MED12L: variants seen among roughly 807,000 people sequenced by gnomAD.
MED12L encodes mediator of RNA polymerase II transcription subunit 12-like protein.
Under a neutral mutation model 281.3 loss-of-function variants are expected in MED12L, and 60 were observed. That is an observed-to-expected ratio of 0.21 (90% confidence interval 0.17 to 0.26). The LOEUF (loss-of-function observed/expected upper bound fraction) is 0.26. Ranked by LOEUF, MED12L falls within the 10% of genes least tolerant of loss-of-function variation. The probability of loss-of-function intolerance (pLI) is 1.00; values close to 1 mark genes in which losing one functional copy is unlikely to be tolerated. For missense variants in MED12L, 2,146 were observed against 2,680.9 expected (o/e 0.80, Z 4.41); for synonymous variants, 974 against 987.2 (o/e 0.99, Z 0.25).
Position 151,209,706 on chromosome 3 carries a change from C to T in MED12L, c.2250+16040C>T, listed in dbSNP as rs548169276. Among the ~76,000 whole-genome samples, 4 of 152,108 alleles carry T rather than the reference C, an allele frequency of 2.6e-5. No homozygotes were observed. The South Asian group carries it at 8.3e-4, about 32-fold the overall frequency. On this transcript the variant is annotated intron_variant, in intron 16 of 44. Coordinates refer to ENST00000687756, the MANE Select transcript of MED12L (RefSeq NM_001393769.1). ...TTTTTTGTATTTATTGATGCTTTTT[C>T]TCCAGAGTTGAAAGATACAGATGGC...
At chr3:151,168,852 C>T (rs972153536) in intron 11 of MED12L, among the ~76,000 whole-genome samples, 1 of 152,080 alleles carries the variant, frequency 6.6e-6, no homozygotes, top group African/African-American at 2.4e-5. Context: ...ATTATAGGTA[C>T]ATACTACTGT....
At chr3:151,425,688 T>G (rs772392378) in intron 43 of MED12L, 3 of 456,716 alleles carry the variant, frequency 6.6e-6, no homozygotes, top group South Asian at 4.6e-5. Flanking sequence ...GTCTTGTGGT[T>G]ACAGCAGGAG....
chr3:151,410,025 A>T (rs1716772745), intron 40 of MED12L, among the ~76,000 whole-genome samples: 1 of 152,188 alleles, frequency 6.6e-6, no homozygotes. Flanking sequence ...AGAATAAGAA[A>T]ATAACGGGGC....
intron 16 of MED12L, among the ~76,000 whole-genome samples, chr3:151,227,152 A>G (rs902710460): frequency 1.3e-5 from 2 of 152,230 alleles, no homozygotes; most frequent in Admixed American, 6.5e-5. Context: ...ACATGTGTTA[A>G]TGTAACTTAA....
At chr3:151,401,907 T>C (rs1715728962) in intron 39 of MED12L, among the ~76,000 whole-genome samples, 1 of 152,208 alleles carries the variant, frequency 6.6e-6, no homozygotes, top group South Asian at 2.1e-4. Context: ...AGGAAGGTGC[T>C]GATTTTATTT....
intron 16 of MED12L, among the ~76,000 whole-genome samples, chr3:151,224,058 T>G (rs1729969959): frequency 6.6e-6 from 1 of 152,206 alleles, no homozygotes; most frequent in African/African-American, 2.4e-5. Context: ...ACTGGTACAT[T>G]GGTGTTATCA....
At chr3:151,363,092 C>G (rs1754817717) in intron 21 of MED12L, among the ~76,000 whole-genome samples, 1 of 151,930 alleles carries the variant, frequency 6.6e-6, no homozygotes, top group African/African-American at 2.4e-5. Flanking sequence ...GTAACATGCG[C>G]TGGGCGTGGG....
At chr3:151,120,184 C>A (rs571851835) in intron 3 of MED12L, among the ~76,000 whole-genome samples, 1 of 151,664 alleles carries the variant, frequency 6.6e-6, no homozygotes, top group African/African-American at 2.4e-5. Context: ...CGAAATCACA[C>A]CAGTGCATTC....
At chr3:151,130,766 G>C (rs1243854967) in intron 5 of MED12L, among the ~76,000 whole-genome samples, 2 of 152,178 alleles carry the variant, frequency 1.3e-5, no homozygotes, top group Non-Finnish European at 2.9e-5. Flanking sequence ...TCCAACCACT[G>C]CTGCCAAAAT....
At chr3:151,200,890 G>T (rs1297096604) in intron 16 of MED12L, 2 of 152,182 alleles carry the variant, frequency 1.3e-5, no homozygotes, top group African/African-American at 4.8e-5. Context: ...GGAAATTGAG[G>T]CATAATGGGG....
intron 16 of MED12L, among the ~76,000 whole-genome samples, chr3:151,239,359 A>G (rs1733608790): frequency 1.3e-5 from 2 of 152,248 alleles, no homozygotes; most frequent in Admixed American, 1.3e-4. Context: ...GTCAAAGAAG[A>G]AAATCCAGAA....
intron 5 of MED12L, among the ~76,000 whole-genome samples, chr3:151,155,771 C>A (rs1327778406): frequency 6.6e-6 from 1 of 152,180 alleles, no homozygotes; most frequent in East Asian, 1.9e-4. Context: ...TCCTTGAGAT[C>A]TCCCCTTCAC....
At chr3:151,127,214 G>A (rs1714669064) in intron 4 of MED12L, among the ~76,000 whole-genome samples, 1 of 152,174 alleles carries the variant, frequency 6.6e-6, no homozygotes, top group South Asian at 2.1e-4. Flanking sequence ...TGCCTCAAGT[G>A]CCTAATTTCA....
chr3:151,293,798 C>G (rs757175369), intron 16 of MED12L, among the ~76,000 whole-genome samples: 106 of 152,240 alleles, frequency 7.0e-4, no homozygotes, highest in Non-Finnish European at 8.4e-4. Context: ...GTAGTAGTTT[C>G]TTTTCCTATC....
At chr3:151,431,770 GC>G (rs1719553439) in intron 44 of MED12L, among the ~76,000 whole-genome samples, 1 of 152,174 alleles carries the variant, frequency 6.6e-6, no homozygotes, top group Admixed American at 6.5e-5. Flanking sequence ...TTTTGTTAAA[GC>G]CATCATTTAT....
chr3:151,380,597 C>CAA (rs56792030), intron 32 of MED12L, among the ~76,000 whole-genome samples: 8 of 113,272 alleles, frequency 7.1e-5, no homozygotes, highest in South Asian at 2.8e-4. Context: ...AACTCTGTCT[C>CAA]AAAAAAAAAA....
intron 2 of MED12L, among the ~76,000 whole-genome samples, chr3:151,090,766 G>A (rs543013205): frequency 2.6e-5 from 4 of 152,276 alleles, no homozygotes; most frequent in East Asian, 1.9e-4. Context: ...AGGGCCAGGC[G>A]TGGTGGCTCA....
intron 11 of MED12L, among the ~76,000 whole-genome samples, chr3:151,169,556 G>A (rs1721162460): frequency 6.6e-6 from 1 of 152,192 alleles, no homozygotes; most frequent in Non-Finnish European, 1.5e-5. Context: ...TCCTGGTTAA[G>A]TAGGCATAGA....
intron 16 of MED12L, among the ~76,000 whole-genome samples, chr3:151,329,189 T>C (rs1750063301): frequency 6.6e-6 from 1 of 152,202 alleles, no homozygotes; most frequent in Non-Finnish European, 1.5e-5. Flanking sequence ...TTTTAAAGCA[T>C]ATAATACATT....
Sources: allele counts gnomAD v4.1 joint callset (sites outside exome capture counted in the v4.1 genomes callset), GRCh38; gene constraint gnomAD v4.1.1; transcripts MANE v1.5; gene names NCBI Gene and HGNC (gene_info 2026-07-23, HGNC 2026-07-21).